Variants in CNPY1 observed in about 807,000 individuals in gnomAD.
The protein encoded by CNPY1 is canopy FGF signaling regulator 1, also known as protein canopy homolog 1.
Under a neutral mutation model 14.4 loss-of-function variants are expected in CNPY1, and 14 were observed. That is an observed-to-expected ratio of 0.97 (90% CI 0.64 to 1.52). The LOEUF is 1.52. Among genes scored for constraint, CNPY1 ranks in the 40% most tolerant of loss-of-function variants. CNPY1 has a pLI of 0.00. For missense variants in CNPY1, 129 were observed against 131.5 expected, an observed-to-expected ratio of 0.98 and a Z score of 0.09; for synonymous variants, 43 against 46.5, an observed-to-expected ratio of 0.92 and a Z score of 0.31.
chr7:155,517,230 T>C (rs1423947944), intron 2 of CNPY1, among the ~76,000 whole-genome samples: 1 of 152,026 alleles, frequency 6.6e-6, no homozygotes, highest in Non-Finnish European at 1.5e-5. Flanking sequence ...CCAGTGTCCT[T>C]GTAGGAAGAG....
At chr7:155,543,258 G>A (rs372758711) in intron 2 of CNPY1, among the ~76,000 whole-genome samples, 2 of 152,162 alleles carry the variant, frequency 1.3e-5, no homozygotes, top group Non-Finnish European at 2.9e-5. Context: ...ATGGGGGCCC[G>A]AGACCCCTCT....
intron 2 of CNPY1, among the ~76,000 whole-genome samples, chr7:155,535,025 C>T (rs1364142477): frequency 6.6e-6 from 1 of 152,168 alleles, no homozygotes; most frequent in Non-Finnish European, 1.5e-5. Flanking sequence ...GGTGACCTGG[C>T]TGATGTGAGA....
chr7:155,512,930 CA>C (rs958357930), intron 2 of CNPY1, among the ~76,000 whole-genome samples: 6 of 152,278 alleles, frequency 3.9e-5, no homozygotes, highest in Middle Eastern at 3.4e-3. Context: ...AGCAATATTG[CA>C]TCTAGTTTAA....
intron 2 of CNPY1, among the ~76,000 whole-genome samples, chr7:155,526,659 A>C (rs957304054): frequency 2.6e-5 from 4 of 152,254 alleles, no homozygotes; most frequent in Admixed American, 2.6e-4. Context: ...AAGGGGAATA[A>C]AGGCAATAGC....
At chr7:155,514,995 G>A (rs1386485457) in intron 2 of CNPY1, among the ~76,000 whole-genome samples, 1 of 152,206 alleles carries the variant, frequency 6.6e-6, no homozygotes, top group Non-Finnish European at 1.5e-5. Context: ...AATTCTGCGT[G>A]CTTCATCTCA....
intron 2 of CNPY1, among the ~76,000 whole-genome samples, chr7:155,520,869 A>T (rs1336170376): frequency 6.6e-6 from 1 of 152,220 alleles, no homozygotes; most frequent in Middle Eastern, 3.4e-3. Flanking sequence ...GCTCATGCCT[A>T]TAATCCCAGC....
intron 4 of CNPY1, among the ~76,000 whole-genome samples, chr7:155,504,034 T>C (rs1796210645): frequency 6.6e-6 from 1 of 152,170 alleles, no homozygotes. Context: ...CTGAACTATA[T>C]GCCCCAAGAT....
intron 2 of CNPY1, among the ~76,000 whole-genome samples, chr7:155,510,102 G>T (rs1385521669): frequency 6.6e-6 from 1 of 152,220 alleles, no homozygotes; most frequent in African/African-American, 2.4e-5. Context: ...AATCACAAAT[G>T]AACTCGATTT....
chr7:155,546,541 A>G lies in CNPY1; in HGVS notation c.-127T>C, dbSNP rs9647674. ...TTTTGAGACAGAGTCTTGCTCTGTC[A>G]CCCAGGCTGGAGTGCAGTGGTGCAA... On this transcript the variant is annotated 5_prime_UTR_variant, in exon 1 of 5. Transcript: ENST00000636446. 0.77 allele frequency: 301,791 copies of G among 391,134 alleles called. 116,836 individuals carry two copies. Among genetic ancestry groups the G allele is most frequent in the Middle Eastern group, 0.84 (1,316 of 1,564 alleles). 24.2% of individuals were successfully genotyped at this position (391,134 alleles called of 1,614,324 possible).
chr7:155,540,760 G>C (rs867151440), intron 2 of CNPY1, among the ~76,000 whole-genome samples: 2 of 152,204 alleles, frequency 1.3e-5, no homozygotes, highest in African/African-American at 2.4e-5. Flanking sequence ...GGAGCTCGGA[G>C]GTTCAAAATC....
intron 2 of CNPY1, among the ~76,000 whole-genome samples, chr7:155,537,959 G>A (rs115454360): frequency 1.5e-4 from 23 of 152,226 alleles, no homozygotes; most frequent in African/African-American, 5.1e-4. Flanking sequence ...GCAGTAATAC[G>A]CAGATACAAG....
chr7:155,524,648 A>G lies in CNPY1; in HGVS notation c.100-15551T>C, dbSNP rs1166393452. On this transcript the variant is annotated intron_variant, in intron 2 of 4. Coordinates refer to ENST00000636446, the MANE Select transcript of CNPY1 (RefSeq NM_001393663.1). ...AGATGGGACCAACTAATTGTAGGAA[A>G]ACAAGCTCAGGGCTCCCACTGATTC... 2.0e-5 allele frequency among the ~76,000 whole-genome samples: 3 copies of G among 152,228 alleles called. No individual in the cohort carries two copies. In the East Asian group the frequency reaches 5.8e-4, roughly 29 times the overall value.
chr7:155,542,188 G>C (rs987938461), intron 2 of CNPY1, among the ~76,000 whole-genome samples: 1 of 152,078 alleles, frequency 6.6e-6, no homozygotes, highest in Non-Finnish European at 1.5e-5. Flanking sequence ...TGTCAGGCAG[G>C]GAAGGCGGAG....
intron 2 of CNPY1, among the ~76,000 whole-genome samples, chr7:155,522,274 A>G (rs1796740962): frequency 1.3e-5 from 2 of 152,382 alleles, no homozygotes; most frequent in Admixed American, 6.5e-5. Context: ...TTGTAGGCCA[A>G]GAAACCGAGG....
At chr7:155,512,981 A>C (rs1340373482) in intron 2 of CNPY1, among the ~76,000 whole-genome samples, 1 of 152,236 alleles carries the variant, frequency 6.6e-6, no homozygotes, top group East Asian at 1.9e-4. Context: ...ATCACTGCTG[A>C]TATTAGTTAA....
rs1239181881 is a variant in CNPY1, at chr7:155,537,569, A to C, written c.99+8262T>G. Among the ~76,000 whole-genome samples, 4 of 152,088 alleles carry C rather than the reference A, an allele frequency of 2.6e-5. No homozygotes were observed. In the South Asian group the frequency reaches 8.3e-4, roughly 32 times the overall value. On this transcript the variant is annotated intron_variant, in intron 2 of 4. Transcript: ENST00000636446. ...CTCCTGAGTAGCTGGGGCTACAGGA[A>C]TGTGCCATCACACCCCGCTAATTTT... is the stretch of plus-strand genomic sequence containing the variant.
chr7:155,524,064 G>A (rs575382713), intron 2 of CNPY1, among the ~76,000 whole-genome samples: 18 of 152,204 alleles, frequency 1.2e-4, no homozygotes, highest in Non-Finnish European at 2.5e-4. Context: ...CCATGGTCCT[G>A]GACTTCTGGC....
chr7:155,514,545 T>C (rs962029615), intron 2 of CNPY1, among the ~76,000 whole-genome samples: 2 of 152,292 alleles, frequency 1.3e-5, no homozygotes, highest in East Asian at 3.9e-4. Flanking sequence ...GTTGGGGCAT[T>C]TCCCAACTTG....
intron 2 of CNPY1, among the ~76,000 whole-genome samples, chr7:155,535,827 G>A (rs942961309): frequency 2.6e-5 from 4 of 152,170 alleles, no homozygotes; most frequent in Admixed American, 6.5e-5. Flanking sequence ...GGCGGTGGAC[G>A]GAGAGCCAGA....
Sources: gnomAD v4.1 joint callset for allele counts (sites outside exome capture counted in the v4.1 genomes callset) on GRCh38, gnomAD v4.1.1 for gene constraint, MANE v1.5 for transcripts, NCBI Gene and HGNC (gene_info 2026-07-23, HGNC 2026-07-21) for gene names.